The following ZNF217 variants were observed in gnomAD, a reference collection of about 807,000 sequenced individuals.
ZNF217 encodes the protein zinc finger protein 217.
ZNF217 carries 12 observed loss-of-function variants against 73.3 expected under a neutral mutation model. The ratio of observed to expected loss-of-function variants is 0.16; its 90% CI spans 0.10 to 0.27. ZNF217 has a LOEUF of 0.27. ZNF217 is among the 10% of genes least tolerant of loss of function. The pLI, the probability that ZNF217 is intolerant of heterozygous loss-of-function variation, is 1.00. For synonymous variants in ZNF217, 588 were observed against 516.4 expected (o/e 1.14, Z -1.88); for missense variants, 1,195 against 1,327.8 (o/e 0.90, Z 1.55).
chr20:53,579,866 G>A (rs1988422084), intron 2 of ZNF217, among the ~76,000 whole-genome samples: 2 of 152,226 alleles, frequency 1.3e-5, no homozygotes, highest in South Asian at 4.1e-4. Flanking sequence ...AAACAACGCA[G>A]TGGTAGAACC....
At chr20:53,572,817 G>T (rs1254630323) in intron 4 of ZNF217, 1 of 152,218 alleles carries the variant, frequency 6.6e-6, no homozygotes, top group Non-Finnish European at 1.5e-5. Context: ...CCAAGGAGAA[G>T]ATGTCCCTGG....
intron 1 of ZNF217, among the ~76,000 whole-genome samples, chr20:53,589,780 T>C (rs1600730275): frequency 6.6e-6 from 1 of 152,198 alleles, no homozygotes; most frequent in Admixed American, 6.5e-5. Context: ...GCCTCTAAAA[T>C]GAGGCCATTA....
chr20:53,569,544 G>A (rs1022779487), intron 5 of ZNF217, among the ~76,000 whole-genome samples: 2 of 151,958 alleles, frequency 1.3e-5, no homozygotes, highest in Admixed American at 6.6e-5. Flanking sequence ...CACCACGCCC[G>A]GCTAATTTTT....
chr20:53,588,714 T>C lies in ZNF217; in HGVS notation c.-343+5042A>G, dbSNP rs571848680. Among the ~76,000 whole-genome samples the C allele has an allele frequency of 3.3e-5, 5 of 152,250 alleles. No homozygotes were observed. In the East Asian group the frequency reaches 7.7e-4, roughly 23 times the overall value. ...CGCTCTCAATTAAACACAATTCAAG[T>C]AACCTAGTTAAATACAAGCTTAGGC... On this transcript the variant is annotated intron_variant, in intron 1 of 5. Coordinates refer to ENST00000371471, the MANE Select transcript of ZNF217 (RefSeq NM_006526.3).
chr20:53,575,898 G>C lies in ZNF217; in HGVS notation c.2866C>G (p.Pro956Ala). ...HMVRGITSLL[P>A]QDCVYPSQAL... ...TGCGACGGATACACACAGTCCTGCG[G>C]TAACAGTGATGTGATGCCTCTGACC... Residue 956 changes from proline to alanine, a missense_variant, in exon 4 of 6, where the codon CCG becomes GCG. Pro to Ala is a conservative substitution (Grantham distance 27, BLOSUM62 -1). Coordinates refer to ENST00000371471, the MANE Select transcript of ZNF217 (RefSeq NM_006526.3). 3 of 1,614,220 alleles carry C rather than the reference G, an allele frequency of 1.9e-6. No homozygotes were observed. Among genetic ancestry groups the C allele is most frequent in the Non-Finnish European group, 1.7e-6 (2 of 1,180,036 alleles).
At chr20:53,593,240 G>A (rs1988945588) in intron 1 of ZNF217, among the ~76,000 whole-genome samples, 1 of 152,062 alleles carries the variant, frequency 6.6e-6, no homozygotes, top group Admixed American at 6.5e-5. Flanking sequence ...GGACCGTCCC[G>A]GCCATTGTTT....
At chr20:53,590,524 T>C (rs4811444) in intron 1 of ZNF217, among the ~76,000 whole-genome samples, 47,650 of 151,538 alleles carry the variant, frequency 0.31, 8,645 homozygotes, top group East Asian at 0.43. Context: ...TAAAGTGGCA[T>C]CTTTCAGGCA....
At position 53,577,362 on chromosome 20, in the gene ZNF217, G is replaced by C. The variant is rs184746416; in HGVS notation, c.1484-82C>G. 3.0e-5 allele frequency: 38 copies of C among 1,275,890 alleles called. No homozygotes were observed. In the African/African-American group the frequency reaches 5.6e-4, roughly 19 times the overall value. 79.0% of individuals were successfully genotyped at this position (1,275,890 alleles called of 1,614,324 possible). On this transcript the variant is annotated intron_variant, in intron 3 of 5. Transcript: ENST00000371471. ...CAAATATCTATTTATTAAGAAAACA[G>C]GCTTCTTTCCTCCTTTTGCTTTCTC...
At chr20:53,577,559 G>A (rs185866056) in intron 3 of ZNF217, among the ~76,000 whole-genome samples, 6 of 152,134 alleles carry the variant, frequency 3.9e-5, no homozygotes, top group African/African-American at 1.4e-4. Context: ...TTACAGCAAA[G>A]AAAACTAAAA....
At chr20:53,589,132 G>A (rs985440599) in intron 1 of ZNF217, among the ~76,000 whole-genome samples, 2 of 152,082 alleles carry the variant, frequency 1.3e-5, no homozygotes, top group Non-Finnish European at 2.9e-5. Context: ...AGAAAATAAT[G>A]GAACACCAAT....
At chr20:53,592,074 T>C (rs1266422607) in intron 1 of ZNF217, among the ~76,000 whole-genome samples, 4 of 152,204 alleles carry the variant, frequency 2.6e-5, no homozygotes, top group African/African-American at 9.6e-5. Flanking sequence ...TCAAAAGCAA[T>C]GAAGACATAA....
At chr20:53,578,613 T>C (rs757576951) in intron 2 of ZNF217, among the ~76,000 whole-genome samples, 163 bp from the exon 3 acceptor site, 23 of 152,264 alleles carry the variant, frequency 1.5e-4, no homozygotes, top group Non-Finnish European at 2.9e-4. Flanking sequence ...CACCAAATGC[T>C]GTTGGAGGTT....
rs567749332 is a variant in ZNF217 at position 53,569,030 on chromosome 20, A to G, written c.*258T>C. On this transcript the variant is annotated 3_prime_UTR_variant, in exon 6 of 6. Transcript: ENST00000371471. The stretch of plus-strand genomic sequence containing the variant: ...GAAAAATATTATTCAGGGACAAAAT[A>G]GAGATTTCCAGTCCCCATGTATGTA... The G allele has an allele frequency of 1.8e-4, 167 of 917,254 alleles. No individual in the cohort carries two copies. Among genetic ancestry groups the G allele is most frequent in the Non-Finnish European group, 2.2e-4 (163 of 734,892 alleles). The allele number at this position is 917,254 out of a possible 1,614,324, so 56.8% of individuals were successfully genotyped here. A position where few individuals can be genotyped will look rare whatever the true frequency, so the allele number is the denominator to read the frequency against.
intron 1 of ZNF217, among the ~76,000 whole-genome samples, chr20:53,593,331 C>G (rs1334627491): frequency 2.0e-5 from 3 of 152,152 alleles, no homozygotes; most frequent in African/African-American, 7.2e-5. Flanking sequence ...GCGGGGGGAC[C>G]CTACGCCGAC....
intron 4 of ZNF217, among the ~76,000 whole-genome samples, chr20:53,573,506 G>A (rs1335219468): frequency 6.6e-6 from 1 of 152,170 alleles, no homozygotes; most frequent in African/African-American, 2.4e-5. Context: ...CCAGGCTGGA[G>A]TGCAACAGTG....
chr20:53,573,497 C>T (rs1412471957), intron 4 of ZNF217, among the ~76,000 whole-genome samples: 2 of 152,182 alleles, frequency 1.3e-5, no homozygotes, highest in African/African-American at 2.4e-5. Flanking sequence ...CTCTTTAGCC[C>T]AGGCTGGAGT....
intron 5 of ZNF217, 108 bp downstream of exon 5, chr20:53,571,613 G>A: frequency 7.4e-7 from 1 of 1,352,076 alleles, no homozygotes; most frequent in South Asian, 1.6e-5. Context: ...CACCATGTTG[G>A]CCAAGCTGGT....
intron 1 of ZNF217, among the ~76,000 whole-genome samples, chr20:53,593,449 C>T (rs1019394328): frequency 7.1e-6 from 1 of 140,234 alleles, no homozygotes; most frequent in Non-Finnish European, 1.6e-5. Flanking sequence ...CCCCCGCAGA[C>T]CCCCGCTCCC....
chr20:53,577,348 T>G (rs536628033), intron 3 of ZNF217, 68 bp from the exon 4 acceptor site: 2 of 1,385,664 alleles, frequency 1.4e-6, no homozygotes, highest in Admixed American at 4.8e-5. Context: ...AAATATCTAT[T>G]TATTAAGAAA....
Sources: allele counts gnomAD v4.1 joint callset (sites outside exome capture counted in the v4.1 genomes callset), GRCh38; gene constraint gnomAD v4.1.1; transcripts MANE v1.5; gene names NCBI Gene and HGNC (gene_info 2026-07-23, HGNC 2026-07-21).